CLDN16: variants seen among roughly 807,000 people sequenced by gnomAD.
CLDN16 encodes claudin 16.
In CLDN16, 13 loss-of-function variants were observed where a neutral mutation model predicts 24.6. The ratio of observed to expected loss-of-function variants is 0.53; its 90% CI spans 0.34 to 0.84. The LOEUF (loss-of-function observed/expected upper bound fraction) is 0.84, where lower values mean the gene tolerates loss of function less well. Among genes scored for constraint, CLDN16 ranks in the 40% least tolerant of loss-of-function variants. The pLI, the probability that CLDN16 is intolerant of heterozygous loss-of-function variation, is 0.01. For missense variants in CLDN16, 298 were observed against 292.7 expected (o/e 1.02, Z -0.13); for synonymous variants, 116 against 106.7 (o/e 1.09, Z -0.54).
At chr3:190,398,396 G>A (rs1052709453) in intron 1 of CLDN16, among the ~76,000 whole-genome samples, 1 of 152,162 alleles carries the variant, frequency 6.6e-6, no homozygotes, top group African/African-American at 2.4e-5. Context: ...GGCATTCCTT[G>A]ACTTGTAGCT....
At position 190,371,918 on chromosome 3, in the gene CLDN16, A is replaced by C. The variant is rs1203561726; in HGVS notation, n.230+917A>C. On this transcript the variant is annotated intron_variant and non_coding_transcript_variant, in intron 2 of 4. Coordinates refer to the CLDN16 transcript ENST00000468220. ...TGCTGTCCCAGGTCACCGAACATCT[A>C]CCTGGCTGGGCTGTTGACTGCCCTT... Among the ~76,000 whole-genome samples the C allele has an allele frequency of 4.6e-5, 7 of 151,996 alleles. No homozygotes were observed. In the East Asian group the frequency reaches 1.2e-3, roughly 25 times the overall value.
intron 1 of CLDN16, among the ~76,000 whole-genome samples, chr3:190,337,902 A>C (rs1717346824): frequency 6.6e-6 from 1 of 152,194 alleles, no homozygotes; most frequent in South Asian, 2.1e-4. Context: ...TGATCCTATG[A>C]TACATTGAAT....
At chr3:190,364,717 C>T (rs922510663) in intron 1 of CLDN16, among the ~76,000 whole-genome samples, 2 of 151,846 alleles carry the variant, frequency 1.3e-5, no homozygotes, top group African/African-American at 2.4e-5. Flanking sequence ...AGCCCTTTAT[C>T]GTGCTGGGTC....
intron 1 of CLDN16, among the ~76,000 whole-genome samples, chr3:190,333,534 CTATCTATCTATCTAT>C (rs1717228261): frequency 1.8e-4 from 3 of 16,496 alleles, no homozygotes; most frequent in African/African-American, 5.9e-4. Flanking sequence ...AGTCTATCAT[CTATCTATCTATCTAT>C]CTATCTATCT....
At chr3:190,352,986 C>G (rs1717699717) in intron 1 of CLDN16, among the ~76,000 whole-genome samples, 1 of 151,898 alleles carries the variant, frequency 6.6e-6, no homozygotes, top group Non-Finnish European at 1.5e-5. Context: ...AGCTTTATGG[C>G]CCTTAAGTAC....
In CLDN16 at chr3:190,399,549, AT is replaced by A. The variant is rs552242195; in HGVS notation, c.115-2782del. Among the ~76,000 whole-genome samples, 20 of 152,268 alleles carry A rather than the reference AT, an allele frequency of 1.3e-4. No individual in the cohort carries two copies. In the South Asian group the frequency reaches 3.7e-3, roughly 28 times the overall value. ...TTAAACATTTGTAACTGTTTAAACAATTTTTTAGCACATATGCATCTTCTTA... is the reference window on the plus strand; with the variant it reads ...TTAAACATTTGTAACTGTTTAAACAATTTTTAGCACATATGCATCTTCTTA... On this transcript the variant is annotated intron_variant, in intron 1 of 4. Transcript: ENST00000264734.
intron 1 of CLDN16, among the ~76,000 whole-genome samples, chr3:190,399,675 AC>A (rs1474584019): frequency 6.6e-6 from 1 of 152,164 alleles, no homozygotes; most frequent in Non-Finnish European, 1.5e-5. Context: ...TTTGTTGGAA[AC>A]ATTAAATATC....
intron 3 of CLDN16, among the ~76,000 whole-genome samples, chr3:190,382,362 A>G (rs2108654211): frequency 6.6e-6 from 1 of 152,254 alleles, no homozygotes; most frequent in South Asian, 2.1e-4. Flanking sequence ...TTTTTGATGA[A>G]TGATTCACTG....
At chr3:190,409,837 A>C in intron 4 of CLDN16, 66 bp from the exon 5 acceptor site, 1 of 1,467,452 alleles carries the variant, frequency 6.8e-7, no homozygotes, top group Non-Finnish European at 9.5e-7. Context: ...AGAACATATA[A>C]AATGGTATTT....
At chr3:190,322,336 G>C, upstream of CLDN16, 12 of 831,782 alleles carry the variant, frequency 1.4e-5, no homozygotes, top group South Asian at 1.8e-4. Flanking sequence ...AGCCCTGCTC[G>C]CTGCGCCGCC....
intron 1 of CLDN16, among the ~76,000 whole-genome samples, chr3:190,366,834 C>G (rs1375762674): frequency 1.3e-5 from 2 of 151,938 alleles, no homozygotes; most frequent in African/African-American, 4.8e-5. Context: ...GCATCTAAGT[C>G]TCCCAGCAGC....
At chr3:190,322,462 G>T, upstream of CLDN16, 1 of 548,558 alleles carries the variant, frequency 1.8e-6, no homozygotes, top group Admixed American at 3.1e-5. Context: ...ACCGCTGGGC[G>T]CCGCGATTTA....
intron 4 of CLDN16, among the ~76,000 whole-genome samples, chr3:190,409,271 T>TATATGTATGTATATATGCACACAC (rs1187387922): frequency 0.076 from 7,218 of 94,780 alleles, 539 homozygotes; most frequent in African/African-American, 0.2. Flanking sequence ...TATGCACACA[T>TATATGTATGTATATATGCACACAC]GTATATGTAT....
intron 4 of CLDN16, among the ~76,000 whole-genome samples, chr3:190,409,481 A>C (rs971723955): frequency 2.0e-5 from 3 of 151,500 alleles, no homozygotes; most frequent in Non-Finnish European, 4.4e-5. Flanking sequence ...TGAATTTTCT[A>C]TATATATATA....
At chr3:190,307,434 C>A in the CLDN16 span, 1 of 152,126 alleles carries the variant, frequency 6.6e-6, no homozygotes, top group Non-Finnish European at 1.5e-5. Context: ...CTCAATTGGA[C>A]AAATATTTTC....
At chr3:190,299,667 G>A in the CLDN16 span, among the ~76,000 whole-genome samples, 4 of 152,078 alleles carry the variant, frequency 2.6e-5, no homozygotes, top group African/African-American at 9.7e-5. Context: ...CCCACAGCAT[G>A]TATTGAAGCA....
chr3:190,408,011 G>A (rs534385371), intron 3 of CLDN16, among the ~76,000 whole-genome samples: 34 of 152,064 alleles, frequency 2.2e-4, no homozygotes, highest in Non-Finnish European at 3.5e-4. Flanking sequence ...ACATGGCATT[G>A]GAAAGACAGG....
At chr3:190,363,579 T>C (rs1231109136) in intron 1 of CLDN16, among the ~76,000 whole-genome samples, 14 of 135,948 alleles carry the variant, frequency 1.0e-4, no homozygotes, top group South Asian at 9.4e-4. Context: ...TATATATATA[T>C]ATATATATAT....
upstream of CLDN16, chr3:190,321,947 C>A (rs1181167605): frequency 3.2e-6 from 5 of 1,550,582 alleles, no homozygotes; most frequent in Non-Finnish European, 4.5e-6. Flanking sequence ...GGGACTGGGG[C>A]CTCTGGACGG....
Sources: allele counts gnomAD v4.1 joint callset (sites outside exome capture counted in the v4.1 genomes callset), GRCh38; gene constraint gnomAD v4.1.1; transcripts MANE v1.5; gene names NCBI Gene and HGNC (gene_info 2026-07-23, HGNC 2026-07-21).